Variants in C6orf52 observed in about 807,000 individuals in gnomAD.
The protein encoded by C6orf52 is chromosome 6 open reading frame 52, also known as putative uncharacterized protein C6orf52.
In C6orf52, 16 loss-of-function variants were observed where a neutral mutation model predicts 16.6. The observed-to-expected ratio is 0.96, with a 90% CI of 0.65 to 1.46. The LOEUF (loss-of-function observed/expected upper bound fraction) is 1.46, where lower values mean the gene tolerates loss of function less well. Ranked by LOEUF, C6orf52 falls within the 40% of genes most tolerant of loss-of-function variation. The probability of loss-of-function intolerance (pLI) is 0.00; values close to 1 mark genes in which losing one functional copy is unlikely to be tolerated. For synonymous variants in C6orf52, 53 were observed against 61.4 expected (o/e 0.86, Z 0.64); for missense variants, 166 against 182.3 (o/e 0.91, Z 0.52).
intron 4 of C6orf52, among the ~76,000 whole-genome samples, chr6:10,678,150 C>A (rs1214582830): frequency 6.7e-6 from 1 of 149,284 alleles, no homozygotes; most frequent in African/African-American, 2.5e-5. Flanking sequence ...AACACCACTG[C>A]CCTCCAGCCT....
chr6:10,673,675 A>G (rs958352084), intron 4 of C6orf52, among the ~76,000 whole-genome samples: 2 of 152,140 alleles, frequency 1.3e-5, no homozygotes, highest in Non-Finnish European at 2.9e-5. Flanking sequence ...TTAAAAGTCT[A>G]TTGCTTCCCG....
intron 4 of C6orf52, among the ~76,000 whole-genome samples, chr6:10,675,712 C>A (rs1314050378): frequency 6.6e-6 from 1 of 152,204 alleles, no homozygotes; most frequent in African/African-American, 2.4e-5. Flanking sequence ...TTGATAACAG[C>A]CATTCTATCA....
intron 2 of C6orf52, 97 bp downstream of exon 2, chr6:10,687,383 T>TAA (rs144292063): frequency 1.3e-4 from 110 of 837,068 alleles, no homozygotes; most frequent in African/African-American, 9.5e-4. Flanking sequence ...CCCAGAACTT[T>TAA]AAAAAAAAAA....
At chr6:10,692,453 CT>C (rs56896858) in intron 1 of C6orf52, among the ~76,000 whole-genome samples, 12 of 151,362 alleles carry the variant, frequency 7.9e-5, no homozygotes, top group African/African-American at 2.9e-4. Context: ...GAAAGAATGA[CT>C]TTTTTTTTGA....
chr6:10,687,568 A>G lies in C6orf52; in HGVS notation c.-11-7T>C. ...TGGGCCATTTACCCAGAAACTTTAC[A>G]AAAAGAGAGCAGAATCCAGTTTTTA... On this transcript the variant is annotated splice_polypyrimidine_tract_variant and splice_region_variant and intron_variant, in intron 1 of 4. Coordinates refer to ENST00000259983, the MANE Select transcript of C6orf52 (RefSeq NM_001145020.3). 1 of 1,533,054 alleles carries G rather than the reference A, an allele frequency of 6.5e-7. No individual in the cohort carries two copies. 95.0% of individuals were successfully genotyped at this position (1,533,054 alleles called of 1,614,324 possible).
In C6orf52 at chr6:10,689,699, G is replaced by A. The variant is rs372825798; in HGVS notation, c.-11-2138C>T. ...TGGTGCTGGGATTACAAATATGACGGCTGGTGTCAGAATAACTCTGCAGCT... is the reference window on the plus strand; with the variant it reads ...TGGTGCTGGGATTACAAATATGACGACTGGTGTCAGAATAACTCTGCAGCT... On this transcript the variant is annotated intron_variant, in intron 1 of 4. Coordinates refer to ENST00000259983, the MANE Select transcript of C6orf52 (RefSeq NM_001145020.3). Among the ~76,000 whole-genome samples, 101 of 152,252 alleles carry A rather than the reference G, an allele frequency of 6.6e-4. 1 individual carries two copies. The South Asian group carries it at 0.02, about 30-fold the overall frequency.
rs1223013060 is a variant in C6orf52 at position 10,687,544 on chromosome 6, G to A, written c.7C>T (p.Gln3Ter). 2 of 1,549,474 alleles carry A rather than the reference G, an allele frequency of 1.3e-6. No homozygotes were observed. Among genetic ancestry groups the A allele is most frequent in the Non-Finnish European group, 1.7e-6 (2 of 1,145,390 alleles). The change falls in exon 2 of 5, where the codon CAA becomes TAA. Residue 3 changes from glutamine (Q) to a stop codon, truncating the protein, a stop_gained. Coordinates refer to ENST00000259983, the MANE Select transcript of C6orf52 (RefSeq NM_001145020.3). LOFTEE classifies it high-confidence loss of function. The part of the protein sequence containing the change: MA[Q>*]PESSADFGIA... ...CCAAAATCTGCAGAACTCTCTGGTT[G>A]GGCCATTTACCCAGAAACTTTACAA...
chr6:10,680,431 T>C (rs960066674), intron 4 of C6orf52, among the ~76,000 whole-genome samples: 2 of 152,242 alleles, frequency 1.3e-5, no homozygotes, highest in Non-Finnish European at 2.9e-5. Context: ...TAGTATTTTG[T>C]TGGGGACCTT....
intron 1 of C6orf52, among the ~76,000 whole-genome samples, chr6:10,687,809 C>G (rs955245973): frequency 6.6e-6 from 1 of 152,162 alleles, no homozygotes; most frequent in Non-Finnish European, 1.5e-5. Context: ...CTTCCACCTG[C>G]CAGCCCCTCT....
chr6:10,684,192 C>T (rs1265615404), intron 3 of C6orf52, among the ~76,000 whole-genome samples: 1 of 152,190 alleles, frequency 6.6e-6, no homozygotes, highest in African/African-American at 2.4e-5. Context: ...CCGGTAGTCT[C>T]AGCTACTTGG....
rs188027912 is a variant in C6orf52 at position 10,676,703 on chromosome 6, C to T, written c.317-5105G>A. Among the ~76,000 whole-genome samples the T allele has an allele frequency of 6.9e-4, 105 of 152,288 alleles. No homozygotes were observed. In the East Asian group the frequency reaches 0.011, roughly 16 times the overall value. On this transcript the variant is annotated intron_variant, in intron 4 of 4. Coordinates refer to ENST00000259983, the MANE Select transcript of C6orf52 (RefSeq NM_001145020.3). ...TCTGGGCCCTACATAAATCAGACAC[C>T]GCCTCCTCAAGCCTGCCTGTAAAAT... is the stretch of plus-strand genomic sequence containing the variant.
At chr6:10,676,573 G>A (rs924347143) in intron 4 of C6orf52, among the ~76,000 whole-genome samples, 9 of 152,162 alleles carry the variant, frequency 5.9e-5, no homozygotes, top group African/African-American at 1.2e-4. Flanking sequence ...AGTAAGGAGC[G>A]GACAAGATGG....
chr6:10,676,407 A>C (rs1767885023), intron 4 of C6orf52, among the ~76,000 whole-genome samples: 1 of 152,234 alleles, frequency 6.6e-6, no homozygotes, highest in African/African-American at 2.4e-5. Context: ...CTTTTCTAAC[A>C]AACAGCAACC....
chr6:10,694,586 GCT>G lies in C6orf52; in HGVS notation c.-106_-105del. ...GCCCACAACAATGCACGCTGCCGGC[GCT>G]ACAGCCCCTAAGCAACCGGCCGGAA... On this transcript the variant is annotated 5_prime_UTR_variant, in exon 1 of 5. Transcript: ENST00000259983. 2.4e-4 allele frequency: 44 copies of G among 185,656 alleles called. No individual in the cohort carries two copies. Among genetic ancestry groups the G allele is most frequent in the South Asian group, 1.2e-3 (14 of 12,078 alleles). The allele number at this position is 185,656 out of a possible 1,614,324, so 11.5% of individuals were successfully genotyped here. A position where few individuals can be genotyped will look rare whatever the true frequency, so the allele number is the denominator to read the frequency against.
chr6:10,691,412 T>TG (rs1467503263), intron 1 of C6orf52, among the ~76,000 whole-genome samples: 1 of 151,912 alleles, frequency 6.6e-6, no homozygotes, highest in African/African-American at 2.4e-5. Context: ...GGTACATGAC[T>TG]GGGGGGCTGC....
At chr6:10,686,853 A>C (rs932694925) in intron 3 of C6orf52, 113 bp downstream of exon 3, 4 of 774,800 alleles carry the variant, frequency 5.2e-6, no homozygotes, top group Non-Finnish European at 8.2e-6. Context: ...AGGTAGCAAA[A>C]GCCATGTCTG....
chr6:10,674,235 C>T (rs1247214387), intron 4 of C6orf52, among the ~76,000 whole-genome samples: 14 of 152,118 alleles, frequency 9.2e-5, no homozygotes, highest in Admixed American at 9.2e-4. Flanking sequence ...TAATCCTAAT[C>T]ATCTCCCTAA....
At chr6:10,685,642 A>G (rs1044892508) in intron 3 of C6orf52, among the ~76,000 whole-genome samples, 3 of 152,214 alleles carry the variant, frequency 2.0e-5, no homozygotes, top group African/African-American at 4.8e-5. Flanking sequence ...TAACATGTGA[A>G]TATCTTATGC....
intron 3 of C6orf52, among the ~76,000 whole-genome samples, chr6:10,683,971 T>G (rs1261174113): frequency 6.6e-6 from 1 of 152,220 alleles, no homozygotes; most frequent in Non-Finnish European, 1.5e-5. Context: ...GGCACTTAAT[T>G]AAGCTTCCCT....
Sources: allele counts gnomAD v4.1 joint callset (sites outside exome capture counted in the v4.1 genomes callset), GRCh38; gene constraint gnomAD v4.1.1; transcripts MANE v1.5; gene names NCBI Gene and HGNC (gene_info 2026-07-23, HGNC 2026-07-21).